The following OSMR variants were observed in gnomAD, a reference collection of about 807,000 sequenced individuals.
OSMR encodes the protein oncostatin-M-specific receptor subunit beta.
Under a neutral mutation model 99.9 loss-of-function variants are expected in OSMR, and 81 were observed. The observed-to-expected ratio is 0.81, with a 90% CI of 0.68 to 0.97. OSMR has a LOEUF of 0.97. Among genes scored for constraint, OSMR ranks in the 50% least tolerant of loss-of-function variants. OSMR has a pLI of 0.00. For synonymous variants in OSMR, 406 were observed against 410.4 expected (o/e 0.99, Z 0.13); for missense variants, 1,099 against 1,153.4 (o/e 0.95, Z 0.68).
chr5:38,944,264 T>C (rs1747928849), exon 2 of OSMR: 1 of 675,622 alleles, frequency 1.5e-6, no homozygotes, highest in Admixed American at 2.0e-5. Flanking sequence ...CTACATTCAA[T>C]CTGTTGCCAT....
chr5:38,944,866 C>G, intron 2 of OSMR: 1 of 1,557,078 alleles, frequency 6.4e-7, no homozygotes. Flanking sequence ...ACCAACTAAT[C>G]AGAACAGTTT....
intron 7 of OSMR, among the ~76,000 whole-genome samples, chr5:38,887,270 T>G (rs1268727882): frequency 1.3e-5 from 2 of 152,334 alleles, no homozygotes; most frequent in East Asian, 3.9e-4. Flanking sequence ...TATAAAAATA[T>G]TTTAAAGGTA....
intron 7 of OSMR, among the ~76,000 whole-genome samples, chr5:38,901,977 C>T (rs1011145907): frequency 2.3e-4 from 35 of 152,208 alleles, no homozygotes; most frequent in African/African-American, 7.5e-4. Context: ...TTGGCTGTAT[C>T]GGGGATACTT....
intron 1 of OSMR, among the ~76,000 whole-genome samples, chr5:38,853,172 T>G (rs1467975304): frequency 1.3e-5 from 2 of 152,236 alleles, no homozygotes; most frequent in Non-Finnish European, 2.9e-5. Flanking sequence ...TATAAAACTA[T>G]TTACCTATGA....
intron 9 of OSMR, 25 bp from the exon 10 acceptor site, chr5:38,917,521 A>G: frequency 1.2e-6 from 2 of 1,611,406 alleles, no homozygotes; most frequent in Non-Finnish European, 1.7e-6. Context: ...TTGTGACTCA[A>G]GAACTTTTCT....
rs1461506505 is a variant in OSMR at position 38,931,901 on chromosome 5, T to C, written c.2231T>C (p.Ile744Thr). 6.2e-7 allele frequency: 1 copy of C among 1,613,664 alleles called. No homozygotes were observed. Among genetic ancestry groups the C allele is most frequent in the East Asian group, 2.2e-5 (1 of 44,866 alleles). The change falls in exon 16 of 18, where the codon ATC becomes ACC. Residue 744 changes from isoleucine (I) to threonine (T), a missense_variant. Transcript: ENST00000274276. ...PDEHSSMLIHILLPMVFCVLL... is the reference protein window; with the variant it reads ...PDEHSSMLIHTLLPMVFCVLL... ...CGTTCAGCCTCGATGCTGATTCATATCCTACTGCCCATGGTTTTCTGCGTC... is the reference window on the plus strand; with the variant it reads ...CGTTCAGCCTCGATGCTGATTCATACCCTACTGCCCATGGTTTTCTGCGTC...
At chr5:38,876,577 G>A (rs1742858371) in intron 3 of OSMR, among the ~76,000 whole-genome samples, 1 of 152,090 alleles carries the variant, frequency 6.6e-6, no homozygotes. Context: ...AGGTAGGATG[G>A]GATGCACTAA....
chr5:38,941,117 A>G (rs1031923547), intron 1 of OSMR: 2 of 232,864 alleles, frequency 8.6e-6, no homozygotes, highest in African/African-American at 4.4e-5. Flanking sequence ...CTTTAGACAT[A>G]TACAAATTAA....
chr5:38,863,830 A>G (rs1003291518), intron 1 of OSMR, among the ~76,000 whole-genome samples: 1 of 152,192 alleles, frequency 6.6e-6, no homozygotes, highest in African/African-American at 2.4e-5. Context: ...TTTATTATAT[A>G]TCTGGATACT....
intron 1 of OSMR, among the ~76,000 whole-genome samples, chr5:38,860,673 C>T (rs1054467984): frequency 6.6e-6 from 1 of 151,944 alleles, no homozygotes. Flanking sequence ...TAGAATTAAG[C>T]AGTAATTTTT....
intron 15 of OSMR, among the ~76,000 whole-genome samples, chr5:38,928,184 G>C (rs1230792147): frequency 1.3e-5 from 2 of 151,478 alleles, no homozygotes; most frequent in Admixed American, 1.3e-4. Flanking sequence ...AAGTCTCTAA[G>C]AAGTTCCAAA....
At chr5:38,891,789 C>T (rs907631725) in intron 7 of OSMR, among the ~76,000 whole-genome samples, 11 of 152,314 alleles carry the variant, frequency 7.2e-5, no homozygotes, top group African/African-American at 7.2e-5. Flanking sequence ...GCCATTGCCA[C>T]GGTGCGGAGG....
chr5:38,930,604 G>A (rs893026489), intron 15 of OSMR, among the ~76,000 whole-genome samples: 9 of 152,178 alleles, frequency 5.9e-5, no homozygotes, highest in Non-Finnish European at 1.3e-4. Context: ...TACCAACCCA[G>A]CTGAATTATT....
At chr5:38,874,793 T>C (rs1397080476) in intron 2 of OSMR, among the ~76,000 whole-genome samples, 2 of 152,256 alleles carry the variant, frequency 1.3e-5, no homozygotes, top group African/African-American at 2.4e-5. Context: ...GCTTTGTATA[T>C]GTTATTTACC....
Position 38,933,313 on chromosome 5 carries a change from G to GT in OSMR, c.2810dup (p.Glu938ArgfsTer9). On this transcript the variant is annotated frameshift_variant, in exon 18 of 18. Transcript: ENST00000274276. LOFTEE classifies it low-confidence loss of function (END_TRUNC). Reference sequence around the variant, plus strand: ...CAAGGACAGTCTCCCAACAAACCCAGTAGAGGCACCACACTGTTCAGAGTA... The same window carrying GT: ...CAAGGACAGTCTCCCAACAAACCCAGTTAGAGGCACCACACTGTTCAGAGTA... The GT allele has an allele frequency of 6.2e-7, 1 of 1,614,188 alleles. No individual in the cohort carries two copies.
Position 38,933,974 on chromosome 5 carries a change from A to G in OSMR, c.*530A>G, listed in dbSNP as rs777118785. The G allele has an allele frequency of 6.6e-6, 1 of 151,016 alleles. No homozygotes were observed. The highest frequency in any genetic ancestry group is 6.6e-5 in the Admixed American group (1 of 15,116). The allele number at this position is 151,016 out of a possible 1,614,324, so 9.4% of individuals were successfully genotyped here. ...CAGATTTTAGACTTACCTTGAACGG[A>G]TAAGAATCTATAGTTCACTGACACA... On this transcript the variant is annotated 3_prime_UTR_variant, in exon 18 of 18. Transcript: ENST00000274276.
intron 7 of OSMR, among the ~76,000 whole-genome samples, chr5:38,890,229 C>T (rs575716630): frequency 2.6e-5 from 4 of 152,248 alleles, no homozygotes; most frequent in African/African-American, 9.6e-5. Flanking sequence ...CACGTAGGAG[C>T]TTTGTAGAAG....
In OSMR at chr5:38,917,545, G is replaced by C. The variant is rs776692942; in HGVS notation, c.1286-1G>C. ...AAGAACTTTTCTTTGGTTAATTTCA[G>C]CTCCCTCAGAGGCCCCTGATGTCTG... On this transcript the variant is annotated splice_acceptor_variant, in intron 9 of 17. Coordinates refer to ENST00000274276, the MANE Select transcript of OSMR (RefSeq NM_003999.3). LOFTEE classifies it high-confidence loss of function. 6.2e-7 allele frequency: 1 copy of C among 1,613,222 alleles called. No individual in the cohort carries two copies. Among genetic ancestry groups the C allele is most frequent in the Non-Finnish European group, 8.5e-7 (1 of 1,179,276 alleles).
At chr5:38,913,852 G>A (rs1745748359) in intron 9 of OSMR, among the ~76,000 whole-genome samples, 1 of 152,166 alleles carries the variant, frequency 6.6e-6, no homozygotes. Context: ...TGCACAGAAG[G>A]AGGTGTTACA....
Sources: allele counts gnomAD v4.1 joint callset (sites outside exome capture counted in the v4.1 genomes callset), GRCh38; gene constraint gnomAD v4.1.1; transcripts MANE v1.5; gene names NCBI Gene and HGNC (gene_info 2026-07-23, HGNC 2026-07-21).